GRIA4: variants seen among roughly 807,000 people sequenced by gnomAD.
GRIA4 encodes the protein glutamate receptor 4.
GRIA4 carries 34 observed loss-of-function variants against 104.0 expected under a neutral mutation model. That is an observed-to-expected ratio of 0.33 (90% CI 0.25 to 0.44). The LOEUF is 0.44. GRIA4 is among the 20% of genes least tolerant of loss of function. The probability of loss-of-function intolerance (pLI) is 1.00; values close to 1 mark genes in which losing one functional copy is unlikely to be tolerated. For missense variants in GRIA4, 750 were observed against 1,096.5 expected (o/e 0.68, Z 4.46); for synonymous variants, 386 against 381.9 (o/e 1.01, Z -0.13).
intron 4 of GRIA4, among the ~76,000 whole-genome samples, chr11:105,840,726 C>A (rs980384580): frequency 1.2e-4 from 18 of 152,114 alleles, no homozygotes; most frequent in African/African-American, 3.9e-4. Context: ...TAAAATAGTA[C>A]AAACATCTCA....
intron 3 of GRIA4, among the ~76,000 whole-genome samples, chr11:105,631,506 G>A (rs114996706): frequency 0.013 from 2,013 of 152,264 alleles, 30 homozygotes; most frequent in Middle Eastern, 0.051. Context: ...CACTCATATT[G>A]TCTCATAGAT....
At chr11:105,689,562 T>C (rs1953012875) in intron 3 of GRIA4, among the ~76,000 whole-genome samples, 2 of 152,188 alleles carry the variant, frequency 1.3e-5, no homozygotes, top group South Asian at 2.1e-4. Flanking sequence ...CTCAGTGTCA[T>C]AATTATTTTC....
intron 6 of GRIA4, among the ~76,000 whole-genome samples, chr11:105,888,533 G>T (rs1424213929): frequency 6.6e-6 from 1 of 151,602 alleles, no homozygotes; most frequent in Non-Finnish European, 1.5e-5. Flanking sequence ...TGATCCGCCC[G>T]CCTCGGCCTC....
chr11:105,961,591 T>C (rs1215560422), intron 14 of GRIA4, among the ~76,000 whole-genome samples: 1 of 152,172 alleles, frequency 6.6e-6, no homozygotes, highest in Non-Finnish European at 1.5e-5. Context: ...TTTTTTTGGA[T>C]TTTTTGAATA....
At chr11:105,944,549 A>T (rs1160923013) in intron 14 of GRIA4, among the ~76,000 whole-genome samples, 1 of 151,588 alleles carries the variant, frequency 6.6e-6, no homozygotes, top group Non-Finnish European at 1.5e-5. Flanking sequence ...AAGTAATTCA[A>T]ATAAGAAAAC....
chr11:105,845,699 C>T (rs1251825276), intron 4 of GRIA4, among the ~76,000 whole-genome samples: 2 of 151,950 alleles, frequency 1.3e-5, no homozygotes, highest in Admixed American at 6.6e-5. Flanking sequence ...CTGGCTAATA[C>T]GGTGAAATGC....
At chr11:105,635,536 A>G (rs1951181134) in intron 3 of GRIA4, among the ~76,000 whole-genome samples, 1 of 152,224 alleles carries the variant, frequency 6.6e-6, no homozygotes, top group Admixed American at 6.5e-5. Flanking sequence ...AAATACTCCG[A>G]AGGACATTTT....
At chr11:105,894,064 T>C (rs990506527) in intron 6 of GRIA4, among the ~76,000 whole-genome samples, 2 of 152,232 alleles carry the variant, frequency 1.3e-5, no homozygotes, top group Admixed American at 1.3e-4. Flanking sequence ...GATCATTTAC[T>C]GAATTCAAAC....
intron 3 of GRIA4, among the ~76,000 whole-genome samples, chr11:105,728,138 T>C (rs1473697935): frequency 6.6e-6 from 1 of 152,198 alleles, no homozygotes; most frequent in Non-Finnish European, 1.5e-5. Flanking sequence ...CCATGTCATG[T>C]GCAAAGACAC....
At chr11:105,630,367 C>A (rs927009395) in intron 3 of GRIA4, among the ~76,000 whole-genome samples, 2 of 130,910 alleles carry the variant, frequency 1.5e-5, no homozygotes, top group Admixed American at 8.8e-5. Context: ...AGTTCAAGAC[C>A]AGCCTGACTG....
rs544615484 is a variant in GRIA4, at chr11:105,754,118, T to G, written c.487+898T>G. Among the ~76,000 whole-genome samples the G allele has an allele frequency of 3.3e-5, 5 of 152,244 alleles. No homozygotes were observed. In the South Asian group the frequency reaches 1.0e-3, roughly 32 times the overall value. ...TCCCAACCCTCTGATCCTGCCTTCG[T>G]CTTTTGGTAACAAGCTCCCATCTTG... is the stretch of plus-strand genomic sequence containing the variant. On this transcript the variant is annotated intron_variant, in intron 4 of 16. Transcript: ENST00000282499.
At chr11:105,737,098 T>C (rs1453872745) in intron 3 of GRIA4, among the ~76,000 whole-genome samples, 1 of 152,140 alleles carries the variant, frequency 6.6e-6, no homozygotes, top group Admixed American at 6.6e-5. Context: ...GCTTTATAAA[T>C]CAGAATTTAT....
chr11:105,794,469 GTATGTA>G (rs1458256585), intron 4 of GRIA4, among the ~76,000 whole-genome samples: 417 of 40,758 alleles, frequency 0.01, 20 homozygotes, highest in African/African-American at 0.02. Flanking sequence ...GTGTGTATAT[GTATGTA>G]TATATATATA....
chr11:105,642,913 A>G (rs1267882106), intron 3 of GRIA4, among the ~76,000 whole-genome samples: 2 of 152,202 alleles, frequency 1.3e-5, no homozygotes, highest in Non-Finnish European at 2.9e-5. Flanking sequence ...TAATTGACTC[A>G]CAGTTCAACA....
At chr11:105,730,092 C>T (rs937192481) in intron 3 of GRIA4, among the ~76,000 whole-genome samples, 2 of 152,194 alleles carry the variant, frequency 1.3e-5, no homozygotes, top group Non-Finnish European at 2.9e-5. Flanking sequence ...GTCAATTCAT[C>T]TCTGTTTGCA....
intron 14 of GRIA4, among the ~76,000 whole-genome samples, chr11:105,958,923 T>A (rs1165995965): frequency 6.6e-6 from 1 of 152,176 alleles, no homozygotes; most frequent in East Asian, 1.9e-4. Context: ...CCTTTAAGAA[T>A]GTTAAATATT....
intron 4 of GRIA4, among the ~76,000 whole-genome samples, chr11:105,760,496 A>G (rs1276037599): frequency 6.6e-6 from 1 of 152,098 alleles, no homozygotes; most frequent in East Asian, 1.9e-4. Context: ...CCTATAATTT[A>G]TATTTATCCC....
chr11:105,652,507 G>T (rs568010965), intron 3 of GRIA4, among the ~76,000 whole-genome samples: 11 of 152,262 alleles, frequency 7.2e-5, no homozygotes, highest in African/African-American at 2.6e-4. Flanking sequence ...TGGTTAATCA[G>T]AATGAAGAGA....
intron 3 of GRIA4, among the ~76,000 whole-genome samples, chr11:105,629,366 G>A (rs1251939902): frequency 1.3e-5 from 2 of 151,928 alleles, no homozygotes; most frequent in East Asian, 1.9e-4. Flanking sequence ...CAGGCAATGG[G>A]CTATTAGGCA....
Sources: gnomAD v4.1 joint callset for allele counts (sites outside exome capture counted in the v4.1 genomes callset) on GRCh38, gnomAD v4.1.1 for gene constraint, MANE v1.5 for transcripts, NCBI Gene and HGNC (gene_info 2026-07-23, HGNC 2026-07-21) for gene names.